Variants in CAT observed in about 807,000 individuals in gnomAD.
CAT encodes the protein catalase.
A neutral mutation model predicts 59.0 loss-of-function variants in CAT; 43 were observed. The ratio of observed to expected loss-of-function variants is 0.73; its 90% CI spans 0.57 to 0.94. CAT has a LOEUF of 0.94. Ranked by LOEUF, CAT falls within the 40% of genes least tolerant of loss-of-function variation. The probability of loss-of-function intolerance (pLI) is 0.00; values close to 1 mark genes in which losing one functional copy is unlikely to be tolerated. For missense variants in CAT, 664 were observed against 682.9 expected (o/e 0.97, Z 0.31); for synonymous variants, 218 against 230.9 (o/e 0.94, Z 0.51).
intron 2 of CAT, among the ~76,000 whole-genome samples, chr11:34,450,579 T>C (rs569037522): frequency 2.0e-5 from 3 of 152,332 alleles, no homozygotes. Context: ...CTTGTTTAGT[T>C]TATTGCTTGC....
chr11:34,462,254 A>T (rs918441865), intron 9 of CAT, among the ~76,000 whole-genome samples: 34 of 152,282 alleles, frequency 2.2e-4, no homozygotes, highest in African/African-American at 6.5e-4. Flanking sequence ...GATGATTTAT[A>T]TTTATAGCCA....
chr11:34,441,530 T>TA (rs1395623691), intron 1 of CAT, among the ~76,000 whole-genome samples: 1 of 152,220 alleles, frequency 6.6e-6, no homozygotes, highest in African/African-American at 2.4e-5. Flanking sequence ...CATGAAGGCT[T>TA]ATGCCTATAA....
chr11:34,440,488 G>A (rs930621888), intron 1 of CAT, among the ~76,000 whole-genome samples: 2 of 152,058 alleles, frequency 1.3e-5, no homozygotes, highest in East Asian at 1.9e-4. Flanking sequence ...ATGAATACTC[G>A]GTGAATTGAG....
Position 34,452,194 on chromosome 11 carries a change from G to A in CAT, c.467G>A (p.Arg156Lys). ...VGNNTPIFFIRDPILFPSFIH... is the reference protein window; with the variant it reads ...VGNNTPIFFIKDPILFPSFIH... ...AATAACACCCCCATTTTCTTCATCA[G>A]GGATCCCATATTGGTAGGTAATAGA... is the stretch of plus-strand genomic sequence containing the variant. Residue 156 changes from arginine to lysine, a missense_variant, in exon 4 of 13, where the codon AGG (arginine) becomes AAG (lysine). Transcript: ENST00000241052. 6.2e-7 allele frequency: 1 copy of A among 1,613,768 alleles called. No individual in the cohort carries two copies.
At chr11:34,456,939 C>A in intron 8 of CAT, 122 bp downstream of exon 8, 1 of 1,059,242 alleles carries the variant, frequency 9.4e-7, no homozygotes, top group Non-Finnish European at 1.4e-6. Flanking sequence ...AAACTTTAAT[C>A]TGGGTGCTTG....
At chr11:34,467,483 C>T (rs1856731971) in intron 10 of CAT, among the ~76,000 whole-genome samples, 1 of 148,842 alleles carries the variant, frequency 6.7e-6, no homozygotes, top group Admixed American at 7.0e-5. Flanking sequence ...TGATGCATCT[C>T]TTAATATTTT....
rs551123236 is a variant in CAT at position 34,449,097 on chromosome 11, T to C, written c.67-95T>C. 3.5e-4 allele frequency: 370 copies of C among 1,068,732 alleles called. 1 individual carries two copies. The highest frequency in any genetic ancestry group is 4.9e-4 in the Non-Finnish European group (344 of 695,418). The allele number at this position is 1,068,732 out of a possible 1,614,324, so 66.2% of individuals were successfully genotyped here. A position where few individuals can be genotyped will look rare whatever the true frequency, so the allele number is the denominator to read the frequency against. ...ACAGGAAATTAAAAAAGAGGGCAGA[T>C]GGTATAAACATTGCAAAGCTATGTA... On this transcript the variant is annotated intron_variant, in intron 1 of 12. Coordinates refer to ENST00000241052, the MANE Select transcript of CAT (RefSeq NM_001752.4).
intron 6 of CAT, among the ~76,000 whole-genome samples, chr11:34,454,907 T>A (rs1856571326): frequency 6.6e-6 from 1 of 152,202 alleles, no homozygotes; most frequent in Non-Finnish European, 1.5e-5. Context: ...GAGCTCCAGT[T>A]CTTTTCACTG....
At chr11:34,454,744 A>G (rs990714983) in intron 6 of CAT, among the ~76,000 whole-genome samples, 3 of 152,254 alleles carry the variant, frequency 2.0e-5, no homozygotes, top group Non-Finnish European at 4.4e-5. Flanking sequence ...TGTAATTGCC[A>G]AAAGGGTCAA....
intron 9 of CAT, among the ~76,000 whole-genome samples, chr11:34,462,571 G>A (rs1474110624): frequency 1.3e-5 from 2 of 152,144 alleles, no homozygotes; most frequent in Admixed American, 1.3e-4. Context: ...GTATAGGAGT[G>A]TGCCACCACG....
At chr11:34,463,993 TGTAC>T in intron 9 of CAT, 108 bp from the exon 10 acceptor site, 1 of 984,772 alleles carries the variant, frequency 1.0e-6, no homozygotes, top group Admixed American at 1.7e-5. Context: ...TCTGTGTATG[TGTAC>T]GTGTGTATTT....
intron 1 of CAT, among the ~76,000 whole-genome samples, chr11:34,443,243 C>T (rs181902687): frequency 6.6e-6 from 1 of 152,290 alleles, no homozygotes; most frequent in Non-Finnish European, 1.5e-5. Flanking sequence ...TGCCTCCTCT[C>T]TCAAGAATCA....
chr11:34,470,168 C>G (rs1396666107), intron 11 of CAT, among the ~76,000 whole-genome samples: 1 of 152,162 alleles, frequency 6.6e-6, no homozygotes, highest in East Asian at 1.9e-4. Flanking sequence ...GACTGCAAAT[C>G]AAACCCTTTC....
chr11:34,451,731 C>G (rs1477390587), intron 3 of CAT, among the ~76,000 whole-genome samples: 2 of 152,184 alleles, frequency 1.3e-5, no homozygotes, highest in African/African-American at 4.8e-5. Context: ...TTTGACAACT[C>G]ACTTATTCTG....
chr11:34,464,315 A>G, intron 10 of CAT, 80 bp downstream of exon 10: 1 of 1,354,226 alleles, frequency 7.4e-7, no homozygotes, highest in Non-Finnish European at 1.1e-6. Context: ...CCTCCCTGCA[A>G]ATGCCCCAAC....
chr11:34,460,446 CT>C (rs149180752), intron 8 of CAT, among the ~76,000 whole-genome samples: 9,634 of 83,014 alleles, frequency 0.12, 213 homozygotes, highest in Admixed American at 0.16. Context: ...GTGGGCGGTA[CT>C]TTTTTTTTTT....
chr11:34,461,225 A>G (rs1856645949), intron 8 of CAT, 26 bp from the exon 9 acceptor site: 3 of 1,613,070 alleles, frequency 1.9e-6, no homozygotes, highest in Non-Finnish European at 2.5e-6. Flanking sequence ...GCCCCTAGTC[A>G]GTGTCTATTG....
intron 1 of CAT, among the ~76,000 whole-genome samples, chr11:34,448,859 C>T (rs377572972): frequency 5.9e-5 from 9 of 152,278 alleles, no homozygotes; most frequent in South Asian, 4.1e-4. Flanking sequence ...GCTTGTAGGA[C>T]GCTTTTGGGC....
In CAT at chr11:34,452,164, T is replaced by C. The variant is rs1856530728; in HGVS notation, c.437T>C (p.Val146Ala). Residue 146 changes from valine (V) to alanine (A), a missense_variant, in exon 4 of 13, where the codon GTT becomes GCT. Coordinates refer to ENST00000241052, the MANE Select transcript of CAT (RefSeq NM_001752.4). ...ACAGAAGATGGTAACTGGGATCTCG[T>C]TGGAAATAACACCCCCATTTTCTTC... Reference protein sequence around the residue: ...FYTEDGNWDLVGNNTPIFFIR... With the variant: ...FYTEDGNWDLAGNNTPIFFIR... 3 of 1,613,676 alleles carry C rather than the reference T, an allele frequency of 1.9e-6. No homozygotes were observed. Among genetic ancestry groups the C allele is most frequent in the Non-Finnish European group, 1.7e-6 (2 of 1,179,760 alleles).
Sources: gnomAD v4.1 joint callset for allele counts (sites outside exome capture counted in the v4.1 genomes callset) on GRCh38, gnomAD v4.1.1 for gene constraint, MANE v1.5 for transcripts, NCBI Gene and HGNC (gene_info 2026-07-23, HGNC 2026-07-21) for gene names.